Variants in SH3RF3 observed in about 807,000 individuals in gnomAD.
SH3RF3 encodes the protein E3 ubiquitin-protein ligase SH3RF3.
A neutral mutation model predicts 66.3 loss-of-function variants in SH3RF3; 29 were observed. The observed-to-expected ratio is 0.44, with a 90% CI of 0.33 to 0.60. SH3RF3 has a LOEUF of 0.60. Ranked by LOEUF, SH3RF3 falls within the 20% of genes least tolerant of loss-of-function variation. SH3RF3 has a pLI of 0.04. For missense variants in SH3RF3, 1,194 were observed against 1,190.9 expected, an observed-to-expected ratio of 1.00 and a Z score of -0.04; for synonymous variants, 583 against 532.0, an observed-to-expected ratio of 1.10 and a Z score of -1.32.
At chr2:109,146,057 C>G (rs1289847233) in intron 1 of SH3RF3, among the ~76,000 whole-genome samples, 1 of 149,504 alleles carries the variant, frequency 6.7e-6, no homozygotes, top group Non-Finnish European at 1.5e-5. Context: ...CCGAGGGAGT[C>G]CATGCAGGAA....
chr2:109,475,841 C>T (rs1415700356), intron 8 of SH3RF3, among the ~76,000 whole-genome samples: 1 of 152,234 alleles, frequency 6.6e-6, no homozygotes, highest in Non-Finnish European at 1.5e-5. Flanking sequence ...CTGGCTGCCT[C>T]TACCTTGGGC....
intron 1 of SH3RF3, among the ~76,000 whole-genome samples, chr2:109,320,754 C>T (rs1166571506): frequency 6.6e-6 from 1 of 152,214 alleles, no homozygotes; most frequent in Non-Finnish European, 1.5e-5. Flanking sequence ...GGCAGATGAA[C>T]TTTCTGCTGG....
intron 3 of SH3RF3, among the ~76,000 whole-genome samples, chr2:109,389,323 T>G (rs1675916425): frequency 6.6e-6 from 1 of 152,178 alleles, no homozygotes; most frequent in African/African-American, 2.4e-5. Flanking sequence ...GCCTTTTATT[T>G]CTACTGGAGG....
At position 109,449,248 on chromosome 2, in the gene SH3RF3, G is replaced by A. The variant is rs750668620; in HGVS notation, c.1907G>A (p.Arg636His). Residue 636 changes from arginine (R) to histidine (H), a missense_variant, in exon 8 of 10, where the codon CGC becomes CAC. By Grantham distance (29) the Arg-to-His change is conservative. Transcript: ENST00000309415. ...SPLRTQNSPS[R>H]LPATSLRPHS... ...CTGCGCACCCAGAACTCTCCATCCC[G>A]CCTGCCTGCCACCAGCCTCAGGCCC... 7.4e-6 allele frequency: 12 copies of A among 1,612,216 alleles called. No individual in the cohort carries two copies. Among genetic ancestry groups the A allele is most frequent in the Admixed American group, 5.0e-5 (3 of 59,812 alleles).
intron 1 of SH3RF3, among the ~76,000 whole-genome samples, chr2:109,291,545 C>G (rs1380878330): frequency 6.6e-6 from 1 of 152,196 alleles, no homozygotes; most frequent in Non-Finnish European, 1.5e-5. Context: ...ATGTCTGCAG[C>G]CGGCGATGCC....
intron 3 of SH3RF3, among the ~76,000 whole-genome samples, chr2:109,375,392 C>T (rs920002047): frequency 3.9e-5 from 6 of 152,230 alleles, no homozygotes; most frequent in Non-Finnish European, 7.3e-5. Context: ...AGCTGGACAG[C>T]GCCCCTTGCC....
chr2:109,398,580 TCTCA>T lies in SH3RF3; in HGVS notation c.946-5_946-2del. The T allele has an allele frequency of 6.5e-7, 1 of 1,542,962 alleles. No homozygotes were observed. Among genetic ancestry groups the T allele is most frequent in the Non-Finnish European group, 8.7e-7 (1 of 1,144,218 alleles). ...TTAATGCAGCCTCCCCTCTCCCCTT[TCTCA>T]CTCAGCTCAATGACTCCGCCAAGCA... On this transcript the variant is annotated splice_polypyrimidine_tract_variant and splice_region_variant and intron_variant, in intron 3 of 9. Transcript: ENST00000309415.
chr2:109,199,005 T>C (rs1305612971), intron 1 of SH3RF3, among the ~76,000 whole-genome samples: 2 of 152,144 alleles, frequency 1.3e-5, no homozygotes, highest in African/African-American at 4.8e-5. Context: ...GGTGTGTGAC[T>C]GTATTTACAT....
chr2:109,454,096 C>T (rs1331309518), intron 8 of SH3RF3, among the ~76,000 whole-genome samples: 1 of 152,194 alleles, frequency 6.6e-6, no homozygotes, highest in Non-Finnish European at 1.5e-5. Flanking sequence ...GTCAGTGCAA[C>T]TTACATTACA....
chr2:109,395,910 A>T (rs1195621276), intron 3 of SH3RF3, among the ~76,000 whole-genome samples: 1 of 152,208 alleles, frequency 6.6e-6, no homozygotes, highest in East Asian at 1.9e-4. Flanking sequence ...CCAACTCAAA[A>T]GGGTCACAGG....
intron 1 of SH3RF3, among the ~76,000 whole-genome samples, chr2:109,347,456 T>C (rs767118447): frequency 6.6e-6 from 1 of 152,084 alleles, no homozygotes; most frequent in Non-Finnish European, 1.5e-5. Context: ...TTAGGAGGAA[T>C]GGCTAGGATG....
At chr2:109,199,228 G>A (rs1427390886) in intron 1 of SH3RF3, among the ~76,000 whole-genome samples, 4 of 143,962 alleles carry the variant, frequency 2.8e-5, no homozygotes, top group South Asian at 2.2e-4. Flanking sequence ...GCGTGGTGGC[G>A]GGTGCCTGTA....
In SH3RF3 at chr2:109,338,809, C is replaced by T. The variant is rs537107890; in HGVS notation, c.574-8865C>T. ...TTGACCTCAGGTGATCCACCCGCCT[C>T]GGCCTCCCAAAGTGTGTGAGCCATT... On this transcript the variant is annotated intron_variant, in intron 1 of 9. Transcript: ENST00000309415. Among the ~76,000 whole-genome samples, 164 of 152,274 alleles carry T rather than the reference C, an allele frequency of 1.1e-3. 1 individual carries two copies. The highest frequency in any genetic ancestry group is 1.7e-3 in the South Asian group (8 of 4,814).
chr2:109,248,110 C>CA (rs1383859605), intron 1 of SH3RF3, among the ~76,000 whole-genome samples: 1 of 152,224 alleles, frequency 6.6e-6, no homozygotes, highest in African/African-American at 2.4e-5. Flanking sequence ...CAATCCACCA[C>CA]AAAGTCCACT....
chr2:109,479,681 A>T (rs1304287148), intron 8 of SH3RF3, among the ~76,000 whole-genome samples: 2 of 152,114 alleles, frequency 1.3e-5, no homozygotes, highest in African/African-American at 2.4e-5. Context: ...CCTCATTTTT[A>T]AAAAATGAAT....
At chr2:109,496,247 T>G (rs1199378811) in intron 9 of SH3RF3, among the ~76,000 whole-genome samples, 1 of 152,202 alleles carries the variant, frequency 6.6e-6, no homozygotes, top group African/African-American at 2.4e-5. Context: ...TACAGAGCAC[T>G]AATTGCTGCA....
At chr2:109,155,835 C>G (rs1283781169) in intron 1 of SH3RF3, among the ~76,000 whole-genome samples, 1 of 152,186 alleles carries the variant, frequency 6.6e-6, no homozygotes, top group Non-Finnish European at 1.5e-5. Flanking sequence ...AGGTGGTCAG[C>G]CTTCAAACTG....
chr2:109,238,888 C>CCAAGGGAGGAT (rs1558974972), intron 1 of SH3RF3, among the ~76,000 whole-genome samples: 1 of 152,176 alleles, frequency 6.6e-6, no homozygotes, highest in African/African-American at 2.4e-5. Flanking sequence ...GATACAGCTC[C>CCAAGGGAGGAT]ACTGTGGTCA....
intron 1 of SH3RF3, among the ~76,000 whole-genome samples, chr2:109,305,666 A>G (rs1026556142): frequency 6.6e-6 from 1 of 152,228 alleles, no homozygotes; most frequent in Non-Finnish European, 1.5e-5. Context: ...GCATTCGCTC[A>G]GTTCCACTGC....
Sources: gnomAD v4.1 joint callset for allele counts (sites outside exome capture counted in the v4.1 genomes callset) on GRCh38, gnomAD v4.1.1 for gene constraint, MANE v1.5 for transcripts, NCBI Gene and HGNC (gene_info 2026-07-23, HGNC 2026-07-21) for gene names.